The following THOC2 variants were observed in gnomAD, a reference collection of about 807,000 sequenced individuals.
The protein encoded by THOC2 is THO complex 2.
THOC2 carries 10 observed loss-of-function variants against 128.4 expected under a neutral mutation model. That is an observed-to-expected ratio of 0.08 (90% CI 0.05 to 0.13). The LOEUF (loss-of-function observed/expected upper bound fraction) is 0.13, where lower values mean the gene tolerates loss of function less well. Ranked by LOEUF, THOC2 falls within the 10% of genes least tolerant of loss-of-function variation. THOC2 has a pLI of 1.00. For synonymous variants in THOC2, 393 were observed against 396.9 expected (o/e 0.99, Z 0.12); for missense variants, 535 against 1,155.7 (o/e 0.46, Z 7.79).
At chrX:123,638,621 T>C (rs2047765594) in intron 17 of THOC2, among the ~76,000 whole-genome samples, 1 of 109,763 alleles carries the variant, frequency 9.1e-6, no homozygotes, top group Admixed American at 9.8e-5. Context: ...ACAGTGCCAC[T>C]GCATTCCAGC....
At chrX:123,630,451 A>C (rs2047430746) in intron 22 of THOC2, among the ~76,000 whole-genome samples, 1 of 108,428 alleles carries the variant, frequency 9.2e-6, no homozygotes, top group Admixed American at 9.8e-5. Context: ...CATCTCTTCT[A>C]AAAATACAAA....
intron 12 of THOC2, among the ~76,000 whole-genome samples, chrX:123,654,556 C>T (rs2048490511): frequency 9.4e-6 from 1 of 106,614 alleles, no homozygotes; most frequent in African/African-American, 3.4e-5. Context: ...GAGCTCAAGA[C>T]CAGCCTGACC....
chrX:123,686,734 CA>C lies in THOC2; in HGVS notation c.602-21del. On this transcript the variant is annotated intron_variant, in intron 7 of 38. Transcript: ENST00000245838. ...AGCATCCTGCAACAGATGAGACATA[CA>C]AAAATTTAAAAATGATTATACATCA... The C allele has an allele frequency of 9.0e-7, 1 of 1,113,798 alleles. No homozygotes were observed. The highest frequency in any genetic ancestry group is 3.1e-5 in the East Asian group (1 of 32,685). 91.8% of individuals were successfully genotyped at this position (1,113,798 alleles called of 1,213,427 possible).
chrX:123,701,478 C>T (rs1165727339), intron 4 of THOC2, among the ~76,000 whole-genome samples: 3 of 111,208 alleles, frequency 2.7e-5, no homozygotes, highest in African/African-American at 9.8e-5. Flanking sequence ...TACTAAATAA[C>T]TATGAAGGGA....
chrX:123,728,270 C>T (rs1000018433), intron 1 of THOC2, among the ~76,000 whole-genome samples: 1 of 110,133 alleles, frequency 9.1e-6, no homozygotes, highest in Non-Finnish European at 1.9e-5. Context: ...CAGGAGTTGC[C>T]GCACTTACAG....
chrX:123,660,959 T>C (rs1298347103), intron 12 of THOC2, among the ~76,000 whole-genome samples: 2 of 112,263 alleles, frequency 1.8e-5, no homozygotes, highest in African/African-American at 3.2e-5. Context: ...TGTATATATA[T>C]ATACACAATG....
intron 15 of THOC2, among the ~76,000 whole-genome samples, chrX:123,642,820 A>G (rs1272430395): frequency 9.1e-6 from 1 of 110,411 alleles, no homozygotes; most frequent in Non-Finnish European, 1.9e-5. Flanking sequence ...TAAATAAGAG[A>G]CTAAACAGTG....
intron 38 of THOC2, among the ~76,000 whole-genome samples, chrX:123,605,094 T>C (rs903562934): frequency 2.0e-4 from 22 of 112,072 alleles, no homozygotes; most frequent in Admixed American, 1.7e-3. Flanking sequence ...ACAGAGTTCC[T>C]GAGATGTTCC....
At chrX:123,602,419 C>T (rs772267987) in intron 38 of THOC2, 1 of 112,514 alleles carries the variant, frequency 8.9e-6, no homozygotes, top group Non-Finnish European at 1.9e-5. Context: ...AGTACTGATA[C>T]ATGCCACAAC....
At chrX:123,667,361 T>G in intron 10 of THOC2, 83 bp from the exon 11 acceptor site, 1 of 622,887 alleles carries the variant, frequency 1.6e-6, no homozygotes, top group Non-Finnish European at 2.4e-6. Flanking sequence ...AAAACTGACC[T>G]AAGCAACACA....
At position 123,615,528 on chromosome X, in the gene THOC2, T is replaced by C. The variant is rs192568041; in HGVS notation, c.4312-1339A>G. Among the ~76,000 whole-genome samples the C allele has an allele frequency of 5.7e-3, 624 of 110,105 alleles. 6 individuals carry two copies. Among genetic ancestry groups the C allele is most frequent in the African/African-American group, 0.019 (566 of 30,476 alleles). ...GCCTTAAATGACATCAAGATTTTTC[T>C]AATCGTGAGGTTTATTCATATCTTA... On this transcript the variant is annotated intron_variant, in intron 33 of 38. Transcript: ENST00000245838.
At chrX:123,605,191 T>C (rs2046421198) in intron 38 of THOC2, among the ~76,000 whole-genome samples, 1 of 111,774 alleles carries the variant, frequency 8.9e-6, no homozygotes. Context: ...AGGATAATTA[T>C]GTGTGTAGGG....
chrX:123,668,022 G>C, intron 10 of THOC2, 137 bp downstream of exon 10: 1 of 433,302 alleles, frequency 2.3e-6, no homozygotes, highest in Middle Eastern at 7.2e-4. Context: ...AACCACTGTA[G>C]CAAATGATCC....
chrX:123,725,437 A>AC (rs1007885087), intron 1 of THOC2, among the ~76,000 whole-genome samples: 5 of 106,305 alleles, frequency 4.7e-5, no homozygotes, highest in Non-Finnish European at 7.7e-5. Flanking sequence ...ACAAAAAAAA[A>AC]AAAAAAATAG....
chrX:123,700,227 G>A (rs966563267), intron 4 of THOC2, among the ~76,000 whole-genome samples: 3 of 109,202 alleles, frequency 2.7e-5, no homozygotes, highest in African/African-American at 6.7e-5. Context: ...TCAGCCGGGC[G>A]TGGTAGCTCA....
intron 12 of THOC2, among the ~76,000 whole-genome samples, chrX:123,647,727 C>A (rs1236912273): frequency 9.5e-6 from 1 of 104,991 alleles, no homozygotes; most frequent in Non-Finnish European, 1.9e-5. Context: ...CCCAGCTACT[C>A]GGGAGGCTGA....
rs1304697741 is a variant in THOC2 at position 123,663,862 on chromosome X, C to A, written c.1386+1780G>T. Among the ~76,000 whole-genome samples the A allele has an allele frequency of 2.7e-5, 3 of 111,234 alleles. No individual in the cohort carries two copies. The East Asian group carries it at 8.4e-4, about 31-fold the overall frequency. Reference sequence around the variant, plus strand: ...TTCAATTCCCACCTATGAGTGAGAACATGCGGTGTTTGGTTTTTTGTCCTT... The same window carrying A: ...TTCAATTCCCACCTATGAGTGAGAAAATGCGGTGTTTGGTTTTTTGTCCTT... On this transcript the variant is annotated intron_variant, in intron 12 of 38. Transcript: ENST00000245838.
intron 7 of THOC2, among the ~76,000 whole-genome samples, chrX:123,687,615 T>C (rs1313577623): frequency 1.8e-5 from 2 of 111,962 alleles, no homozygotes; most frequent in Non-Finnish European, 3.8e-5. Flanking sequence ...AGGTTGTATG[T>C]CCCAACCCTT....
At chrX:123,698,181 T>C (rs2050523194) in intron 4 of THOC2, among the ~76,000 whole-genome samples, 1 of 111,903 alleles carries the variant, frequency 8.9e-6, no homozygotes, top group Non-Finnish European at 1.9e-5. Flanking sequence ...ATACTCAGGC[T>C]GGGCGCAGTG....
Sources: allele counts gnomAD v4.1 joint callset (sites outside exome capture counted in the v4.1 genomes callset), GRCh38; gene constraint gnomAD v4.1.1; transcripts MANE v1.5; gene names NCBI Gene and HGNC (gene_info 2026-07-23, HGNC 2026-07-21).